CHODL: variants seen among roughly 807,000 people sequenced by gnomAD.
CHODL encodes the protein transmembrane protein MT75.
CHODL carries 29 observed loss-of-function variants against 34.5 expected under a neutral mutation model. That is an observed-to-expected ratio of 0.84 (90% CI 0.63 to 1.15). The LOEUF (loss-of-function observed/expected upper bound fraction) is 1.15, where lower values mean the gene tolerates loss of function less well. CHODL is among the 50% of genes most tolerant of loss of function. The pLI is 0.00. For synonymous variants in CHODL, 125 were observed against 116.1 expected, an observed-to-expected ratio of 1.08 and a Z score of -0.49; for missense variants, 332 against 332.5, an observed-to-expected ratio of 1.00 and a Z score of 0.01.
chr21:18,255,462 G>T (rs369162771), intron 1 of CHODL, among the ~76,000 whole-genome samples: 5 of 152,164 alleles, frequency 3.3e-5, no homozygotes, highest in Admixed American at 1.3e-4. Flanking sequence ...AGCCTCTAAA[G>T]CTGAGAGAAA....
chr21:18,182,746 G>A (rs2073396066), intron 2 of CHODL, among the ~76,000 whole-genome samples: 1 of 152,008 alleles, frequency 6.6e-6, no homozygotes, highest in African/African-American at 2.4e-5. Context: ...AAAAGTAAGT[G>A]CATTAGTCCT....
In CHODL at chr21:18,200,965, A is replaced by G. The variant is rs2073644306; in HGVS notation, c.-44-55544A>G. Among the ~76,000 whole-genome samples the G allele has an allele frequency of 2.0e-5, 3 of 152,320 alleles. No individual in the cohort carries two copies. In the South Asian group the frequency reaches 6.2e-4, roughly 32 times the overall value. On this transcript the variant is annotated intron_variant, in intron 2 of 6. Coordinates refer to the CHODL transcript ENST00000400127. ...GAAGGAATTATTCCCCAGAACCGTC[A>G]GAAGGAACAGAGCCCTGCCAACTCC...
At chr21:18,045,305 G>A (rs1480284784) in intron 2 of CHODL, among the ~76,000 whole-genome samples, 1 of 151,838 alleles carries the variant, frequency 6.6e-6, no homozygotes, top group Non-Finnish European at 1.5e-5. Context: ...GAGCTTATTT[G>A]GAAAAAATTA....
At chr21:18,026,546 A>G (rs1224921538) in intron 1 of CHODL, among the ~76,000 whole-genome samples, 1 of 152,150 alleles carries the variant, frequency 6.6e-6, no homozygotes, top group African/African-American at 2.4e-5. Context: ...TCATCAAACT[A>G]ATTGATGGCA....
rs1443888472 is a variant in CHODL, at chr21:18,251,404, T to C, written c.80-5105T>C. 1.5e-5 allele frequency among the ~76,000 whole-genome samples: 2 copies of C among 132,756 alleles called. 1 individual carries two copies. The highest frequency in any genetic ancestry group is 3.2e-5 in the Non-Finnish European group (2 of 62,700). 87.1% of individuals were successfully genotyped at this position (132,756 alleles called of 152,430 possible). A position where few individuals can be genotyped will look rare whatever the true frequency, so the allele number is the denominator to read the frequency against. ...ATTTTATTTGTTTTAATATATAAAA[T>C]ATGTATTTTATTTATTTTATTTATT... On this transcript the variant is annotated intron_variant, in intron 1 of 5. Coordinates refer to ENST00000299295, the MANE Select transcript of CHODL (RefSeq NM_024944.3).
At chr21:17,963,068 AAAAAAAAT>A (rs1475875230) in intron 1 of CHODL, among the ~76,000 whole-genome samples, 1,351 of 67,960 alleles carry the variant, frequency 0.02, 21 homozygotes, top group African/African-American at 0.079. Flanking sequence ...TGTCTCAAAA[AAAAAAAAT>A]AATAATAATA....
At chr21:18,179,882 C>T (rs1192609590) in intron 2 of CHODL, among the ~76,000 whole-genome samples, 2 of 152,080 alleles carry the variant, frequency 1.3e-5, no homozygotes, top group African/African-American at 4.8e-5. Context: ...TTAATTGTGA[C>T]ATTGTTTAAT....
At chr21:18,103,215 T>A (rs770859108) in intron 2 of CHODL, among the ~76,000 whole-genome samples, 1 of 152,174 alleles carries the variant, frequency 6.6e-6, no homozygotes, top group Non-Finnish European at 1.5e-5. Context: ...TGAAATCTTT[T>A]TAAACTATGT....
chr21:17,972,424 G>C (rs972291771), intron 1 of CHODL, among the ~76,000 whole-genome samples: 2 of 152,190 alleles, frequency 1.3e-5, no homozygotes, highest in African/African-American at 4.8e-5. Flanking sequence ...TCCTTAAGCT[G>C]ATAAGCAACT....
At chr21:18,250,412 T>C (rs2074221067) in intron 1 of CHODL, among the ~76,000 whole-genome samples, 1 of 151,952 alleles carries the variant, frequency 6.6e-6, no homozygotes, top group African/African-American at 2.4e-5. Context: ...ATCCAGAAAA[T>C]GACCACAACC....
intron 2 of CHODL, among the ~76,000 whole-genome samples, chr21:18,077,470 G>T (rs1040337346): frequency 6.6e-6 from 1 of 152,116 alleles, no homozygotes; most frequent in African/African-American, 2.4e-5. Context: ...AATTTTGGGG[G>T]CCAAGGGACA....
chr21:18,175,905 A>G (rs985295974), intron 2 of CHODL, among the ~76,000 whole-genome samples: 1 of 152,182 alleles, frequency 6.6e-6, no homozygotes, highest in African/African-American at 2.4e-5. Flanking sequence ...GCTAAAGACA[A>G]CATCATTGTG....
intron 2 of CHODL, among the ~76,000 whole-genome samples, chr21:18,133,965 T>C (rs920408059): frequency 6.6e-6 from 1 of 152,200 alleles, no homozygotes; most frequent in African/African-American, 2.4e-5. Flanking sequence ...TATCTGTGTC[T>C]ACTATTATAT....
intron 2 of CHODL, among the ~76,000 whole-genome samples, chr21:18,210,137 GT>G (rs1481313334): frequency 1.3e-5 from 2 of 152,152 alleles, no homozygotes; most frequent in African/African-American, 4.8e-5. Context: ...TCCCAGGATG[GT>G]GAAGCTTGCC....
At chr21:18,013,635 C>CTGTTTTTTTTTTTTTTTTTTTT (rs2064040705) in intron 1 of CHODL, among the ~76,000 whole-genome samples, 2 of 71,896 alleles carry the variant, frequency 2.8e-5, no homozygotes, top group African/African-American at 6.3e-5. Context: ...GCTGCTGCTG[C>CTGTTTTTTTTTTTTTTTTTTTT]TTTTTTTTTT....
At chr21:18,018,014 A>G (rs985418885) in intron 1 of CHODL, among the ~76,000 whole-genome samples, 2 of 152,234 alleles carry the variant, frequency 1.3e-5, no homozygotes, top group Admixed American at 6.5e-5. Flanking sequence ...CTGGGTTTCA[A>G]GCTTGCACAT....
chr21:18,115,175 A>G (rs745992983), intron 2 of CHODL, among the ~76,000 whole-genome samples: 19 of 152,214 alleles, frequency 1.2e-4, no homozygotes, highest in Non-Finnish European at 2.4e-4. Flanking sequence ...TTAGGAAACA[A>G]TTGCAAGATT....
chr21:17,947,490 G>A (rs67300292), intron 1 of CHODL, among the ~76,000 whole-genome samples: 37,042 of 151,652 alleles, frequency 0.24, 5,197 homozygotes, highest in South Asian at 0.4. Flanking sequence ...ATCTGACAAA[G>A]TGCTAATATC....
intron 2 of CHODL, among the ~76,000 whole-genome samples, chr21:18,221,684 G>T (rs1385272659): frequency 6.6e-6 from 1 of 152,176 alleles, no homozygotes; most frequent in Non-Finnish European, 1.5e-5. Flanking sequence ...CTCAGGCTGC[G>T]GTTGTTTGGA....
Sources: gnomAD v4.1 joint callset for allele counts (sites outside exome capture counted in the v4.1 genomes callset) on GRCh38, gnomAD v4.1.1 for gene constraint, MANE v1.5 for transcripts, NCBI Gene and HGNC (gene_info 2026-07-23, HGNC 2026-07-21) for gene names.